Variants in FSTL5 observed in about 807,000 individuals in gnomAD.
FSTL5 encodes the protein follistatin-related protein 5.
FSTL5 carries 62 observed loss-of-function variants against 89.1 expected under a neutral mutation model. That is an observed-to-expected ratio of 0.70 (90% CI 0.57 to 0.86). FSTL5 has a LOEUF of 0.86. Among genes scored for constraint, FSTL5 ranks in the 40% least tolerant of loss-of-function variants. FSTL5 has a pLI of 0.00. For missense variants in FSTL5, 1,057 were observed against 1,001.6 expected, an observed-to-expected ratio of 1.06 and a Z score of -0.75; for synonymous variants, 383 against 346.2, an observed-to-expected ratio of 1.11 and a Z score of -1.18.
intron 10 of FSTL5, among the ~76,000 whole-genome samples, chr4:161,536,795 C>T (rs1731633683): frequency 6.6e-6 from 1 of 152,102 alleles, no homozygotes; most frequent in East Asian, 1.9e-4. Flanking sequence ...ACTTGACAAA[C>T]ATTAAAATAA....
intron 4 of FSTL5, among the ~76,000 whole-genome samples, chr4:161,894,008 T>C (rs1180308590): frequency 6.6e-6 from 1 of 152,202 alleles, no homozygotes; most frequent in African/African-American, 2.4e-5. Flanking sequence ...GAAACATAGG[T>C]ATGGTTTTTA....
intron 6 of FSTL5, among the ~76,000 whole-genome samples, chr4:161,677,565 C>CA (rs528479926): frequency 5.3e-4 from 81 of 151,848 alleles, no homozygotes; most frequent in African/African-American, 1.6e-3. Flanking sequence ...AATCACAGCA[C>CA]AAAAAAATAT....
At chr4:162,126,924 T>A (rs540626689) in intron 1 of FSTL5, among the ~76,000 whole-genome samples, 1 of 152,294 alleles carries the variant, frequency 6.6e-6, no homozygotes, top group Admixed American at 6.5e-5. Context: ...ACTTTTGTCT[T>A]CCACCATCTG....
chr4:161,553,600 G>GA (rs944983192), intron 8 of FSTL5, among the ~76,000 whole-genome samples: 47 of 148,048 alleles, frequency 3.2e-4, no homozygotes, highest in African/African-American at 1.0e-3. Flanking sequence ...GTGGAGCATT[G>GA]AAAAAAAAAT....
At chr4:161,572,871 C>T (rs1192593860) in intron 8 of FSTL5, among the ~76,000 whole-genome samples, 1 of 151,870 alleles carries the variant, frequency 6.6e-6, no homozygotes, top group African/African-American at 2.4e-5. Context: ...GTTTAAACTG[C>T]TACAATAAAG....
At chr4:161,401,372 A>G (rs972821140) in intron 15 of FSTL5, among the ~76,000 whole-genome samples, 8 of 152,328 alleles carry the variant, frequency 5.3e-5, no homozygotes, top group Admixed American at 5.2e-4. Flanking sequence ...TTGTAAGTCT[A>G]CCTCAATACT....
chr4:161,763,947 C>A (rs545614185), intron 5 of FSTL5, among the ~76,000 whole-genome samples: 1 of 151,730 alleles, frequency 6.6e-6, no homozygotes, highest in Non-Finnish European at 1.5e-5. Context: ...TGTCTCCCCC[C>A]TTTCTTCCTT....
chr4:161,681,919 G>A (rs1416681307), intron 6 of FSTL5, among the ~76,000 whole-genome samples: 1 of 152,080 alleles, frequency 6.6e-6, no homozygotes, highest in Non-Finnish European at 1.5e-5. Flanking sequence ...TCATCTTTGT[G>A]TGAACATCAC....
chr4:161,625,682 A>C (rs1467015400), intron 7 of FSTL5, among the ~76,000 whole-genome samples: 1 of 152,110 alleles, frequency 6.6e-6, no homozygotes, highest in African/African-American at 2.4e-5. Context: ...CAAAAACTAG[A>C]AATGATGAAG....
chr4:161,675,578 C>A (rs1449092943), intron 6 of FSTL5, among the ~76,000 whole-genome samples: 1 of 151,448 alleles, frequency 6.6e-6, no homozygotes, highest in Non-Finnish European at 1.5e-5. Flanking sequence ...ACTGTATTAT[C>A]ATGAAAACAT....
At chr4:161,943,594 C>T (rs987090022) in intron 3 of FSTL5, among the ~76,000 whole-genome samples, 1 of 107,398 alleles carries the variant, frequency 9.3e-6, no homozygotes, top group Non-Finnish European at 1.7e-5. Flanking sequence ...GTCTTGCTGT[C>T]GCTCAGGCTG....
Position 161,545,945 on chromosome 4 carries a change from A to C in FSTL5, c.1016-3252T>G, listed in dbSNP as rs1427696655. 2.0e-5 allele frequency among the ~76,000 whole-genome samples: 3 copies of C among 152,134 alleles called. No homozygotes were observed. The East Asian group carries it at 5.8e-4, about 30-fold the overall frequency. On this transcript the variant is annotated intron_variant, in intron 8 of 15. Coordinates refer to ENST00000306100, the MANE Select transcript of FSTL5 (RefSeq NM_020116.5). ...CAACAGTCAAGTTTTAAAAAGCCAC[A>C]AAATTCTGGTAACTGGAGTTATTCA...
intron 2 of FSTL5, among the ~76,000 whole-genome samples, chr4:162,078,731 T>G (rs1729968711): frequency 6.6e-6 from 1 of 151,774 alleles, no homozygotes; most frequent in Admixed American, 6.6e-5. Flanking sequence ...TTTTACACCT[T>G]TAAGCAATTG....
intron 6 of FSTL5, among the ~76,000 whole-genome samples, chr4:161,724,378 C>G (rs1739321971): frequency 6.6e-6 from 1 of 151,978 alleles, no homozygotes; most frequent in South Asian, 2.1e-4. Context: ...AAAAACGCAT[C>G]ATGTTCTAGT....
chr4:161,600,037 C>A (rs544310982), intron 7 of FSTL5, among the ~76,000 whole-genome samples: 2 of 151,992 alleles, frequency 1.3e-5, no homozygotes, highest in African/African-American at 4.8e-5. Flanking sequence ...ATGAAGGTTA[C>A]TAATTTCACA....
At chr4:161,815,060 TTA>T (rs1432974133) in intron 4 of FSTL5, among the ~76,000 whole-genome samples, 2 of 152,106 alleles carry the variant, frequency 1.3e-5, no homozygotes, top group African/African-American at 4.8e-5. Context: ...ATCTTAAAAA[TTA>T]TTTGTCTGAA....
intron 15 of FSTL5, among the ~76,000 whole-genome samples, chr4:161,395,267 T>C (rs1423794691): frequency 1.3e-5 from 2 of 152,188 alleles, no homozygotes; most frequent in African/African-American, 4.8e-5. Context: ...GTAAACCTAC[T>C]GTTAAACTAG....
At chr4:161,611,513 G>A (rs1212257713) in intron 7 of FSTL5, among the ~76,000 whole-genome samples, 2 of 151,838 alleles carry the variant, frequency 1.3e-5, no homozygotes, top group Non-Finnish European at 2.9e-5. Context: ...TATGCATGAA[G>A]TTTTAACATC....
chr4:161,869,218 T>G (rs1253051953), intron 4 of FSTL5, among the ~76,000 whole-genome samples: 3 of 152,042 alleles, frequency 2.0e-5, no homozygotes, highest in South Asian at 2.1e-4. Context: ...AATAAAGAAA[T>G]AAATAATGCA....
Sources: gnomAD v4.1 joint callset for allele counts (sites outside exome capture counted in the v4.1 genomes callset) on GRCh38, gnomAD v4.1.1 for gene constraint, MANE v1.5 for transcripts, NCBI Gene and HGNC (gene_info 2026-07-23, HGNC 2026-07-21) for gene names.